Variants in SBF2 observed in about 807,000 individuals in gnomAD.
SBF2 encodes SET binding factor 2, also known as myotubularin-related protein 13.
A neutral mutation model predicts 225.2 loss-of-function variants in SBF2; 112 were observed. The observed-to-expected ratio is 0.50, with a 90% confidence interval of 0.43 to 0.58. SBF2 has a LOEUF of 0.58. Among genes scored for constraint, SBF2 ranks in the 20% least tolerant of loss-of-function variants. SBF2 has a pLI of 0.00. For synonymous variants in SBF2, 763 were observed against 773.3 expected (o/e 0.99, Z 0.22); for missense variants, 1,996 against 2,206.2 (o/e 0.90, Z 1.91).
At chr11:10,044,160 GA>G in intron 2 of SBF2, among the ~76,000 whole-genome samples, 1 of 150,634 alleles carries the variant, frequency 6.6e-6, no homozygotes, top group South Asian at 2.1e-4. Flanking sequence ...CAATGATACT[GA>G]AAACAGAAAA....
rs750671833 is a variant in SBF2 at position 10,270,412 on chromosome 11, C to A, written c.55+23603G>T. Reference sequence around the variant, plus strand: ...GAAAAGAAAATGTTATTAATAAAATCATAAGAAAACACAGTTACTATTAAG... The same window carrying A: ...GAAAAGAAAATGTTATTAATAAAATAATAAGAAAACACAGTTACTATTAAG... On this transcript the variant is annotated intron_variant, in intron 1 of 39. Coordinates refer to ENST00000256190, the MANE Select transcript of SBF2 (RefSeq NM_030962.4). Among the ~76,000 whole-genome samples, 8 of 151,984 alleles carry A rather than the reference C, an allele frequency of 5.3e-5. 1 individual carries two copies. The highest frequency in any genetic ancestry group is 2.0e-4 in the Admixed American group (3 of 15,260).
chr11:9,978,062 G>A (rs1380846418), intron 13 of SBF2, among the ~76,000 whole-genome samples: 1 of 152,060 alleles, frequency 6.6e-6, no homozygotes, highest in Non-Finnish European at 1.5e-5. Context: ...TAGATGGCTG[G>A]TTCTTGCTTA....
intron 1 of SBF2, among the ~76,000 whole-genome samples, chr11:10,280,174 T>TGTTTC (rs398069951): frequency 2.8e-4 from 42 of 152,096 alleles, no homozygotes; most frequent in Non-Finnish European, 5.3e-4. Context: ...GATTTCAGAG[T>TGTTTC]ATTTCAGATT....
intron 2 of SBF2, among the ~76,000 whole-genome samples, chr11:10,170,160 G>A (rs1345725210): frequency 6.6e-6 from 1 of 152,036 alleles, no homozygotes; most frequent in African/African-American, 2.4e-5. Flanking sequence ...GTCCATTTCT[G>A]CTTTGGTTGT....
intron 13 of SBF2, among the ~76,000 whole-genome samples, chr11:9,977,628 A>G (rs1262892624): frequency 2.0e-5 from 3 of 152,244 alleles, no homozygotes; most frequent in African/African-American, 7.2e-5. Context: ...AAGAAGCTGC[A>G]TAGAGGTGTT....
At chr11:9,909,312 TTC>T (rs951646890) in intron 16 of SBF2, among the ~76,000 whole-genome samples, 4 of 146,748 alleles carry the variant, frequency 2.7e-5, no homozygotes, top group African/African-American at 9.7e-5. Flanking sequence ...CCCCCATACT[TTC>T]TCTCTTTTTT....
chr11:10,107,334 G>A (rs1952600026), intron 2 of SBF2, among the ~76,000 whole-genome samples: 1 of 152,160 alleles, frequency 6.6e-6, no homozygotes, highest in African/African-American at 2.4e-5. Flanking sequence ...GTCAATAAAA[G>A]ATGAATTATT....
At chr11:10,118,547 A>C (rs1182213574) in intron 2 of SBF2, among the ~76,000 whole-genome samples, 1 of 152,150 alleles carries the variant, frequency 6.6e-6, no homozygotes, top group Non-Finnish European at 1.5e-5. Context: ...TGTAAGCAGA[A>C]AATATTTACA....
chr11:10,284,921 G>GGT (rs1963644613), intron 1 of SBF2, among the ~76,000 whole-genome samples: 1 of 147,888 alleles, frequency 6.8e-6, no homozygotes, highest in African/African-American at 2.5e-5. Context: ...GCTGACAAGA[G>GGT]TTTTTTTTTT....
chr11:10,199,525 C>T (rs557677386), intron 1 of SBF2, among the ~76,000 whole-genome samples: 139 of 151,882 alleles, frequency 9.2e-4, no homozygotes, highest in African/African-American at 3.2e-3. Flanking sequence ...AACAAACAAA[C>T]CCACCCATAA....
rs1206149694 is a variant in SBF2 at position 10,174,692 on chromosome 11, T to A, written c.141+19210A>T. Among the ~76,000 whole-genome samples the A allele has an allele frequency of 5.9e-5, 9 of 151,872 alleles. No individual in the cohort carries two copies. In the East Asian group the frequency reaches 1.4e-3, roughly 23 times the overall value. Reference sequence around the variant, plus strand: ...AAAGATACTCCTCGAGAAGAGCAACTCCAAGACACATAATTGTCAGATTCA... The same window carrying A: ...AAAGATACTCCTCGAGAAGAGCAACACCAAGACACATAATTGTCAGATTCA... On this transcript the variant is annotated intron_variant, in intron 2 of 39. Coordinates refer to ENST00000256190, the MANE Select transcript of SBF2 (RefSeq NM_030962.4).
At chr11:9,821,536 T>C (rs1854754606) in intron 28 of SBF2, among the ~76,000 whole-genome samples, 1 of 152,142 alleles carries the variant, frequency 6.6e-6, no homozygotes, top group Non-Finnish European at 1.5e-5. Flanking sequence ...ACCGCATTGG[T>C]TGTTGGTGGT....
chr11:9,795,749 G>C (rs1853083264), intron 33 of SBF2, 82 bp downstream of exon 33: 2 of 1,506,166 alleles, frequency 1.3e-6, no homozygotes, highest in Non-Finnish European at 1.8e-6. Flanking sequence ...GTCAGTCTTG[G>C]GGATAGTTAC....
chr11:10,180,646 C>T (rs1299535248), intron 2 of SBF2, among the ~76,000 whole-genome samples: 1 of 152,128 alleles, frequency 6.6e-6, no homozygotes, highest in African/African-American at 2.4e-5. Flanking sequence ...GTTATTATCA[C>T]TTTGAGTAAA....
intron 9 of SBF2, among the ~76,000 whole-genome samples, chr11:9,996,132 T>C (rs1947690559): frequency 1.3e-5 from 2 of 152,168 alleles, no homozygotes; most frequent in South Asian, 4.1e-4. Flanking sequence ...AGCAGAACCC[T>C]TACCAGGAGC....
At chr11:9,893,346 T>G (rs1316856862) in intron 17 of SBF2, among the ~76,000 whole-genome samples, 2 of 152,264 alleles carry the variant, frequency 1.3e-5, no homozygotes, top group African/African-American at 4.8e-5. Flanking sequence ...CTGTTATCAA[T>G]GCAGTACTTC....
chr11:9,963,659 A>AT, intron 15 of SBF2, 114 bp downstream of exon 15: 1 of 658,946 alleles, frequency 1.5e-6, no homozygotes, highest in Non-Finnish European at 2.7e-6. Flanking sequence ...CAATGAGAGG[A>AT]TACTTTATTA....
chr11:10,066,101 A>G (rs1482527248), intron 2 of SBF2, among the ~76,000 whole-genome samples: 1 of 152,136 alleles, frequency 6.6e-6, no homozygotes, highest in Non-Finnish European at 1.5e-5. Context: ...CTACAGTTCC[A>G]GATGGCTTCA....
rs894209913 is a variant in SBF2 at position 10,012,640 on chromosome 11, C to T, written c.620-9951G>A. Reference sequence around the variant, plus strand: ...CCTTATCTGCTAAATCCAGTATGTGCGCTCAAAGTCAGTTAATACTATTTT... The same window carrying T: ...CCTTATCTGCTAAATCCAGTATGTGTGCTCAAAGTCAGTTAATACTATTTT... On this transcript the variant is annotated intron_variant, in intron 6 of 39. Transcript: ENST00000256190. Among the ~76,000 whole-genome samples the T allele has an allele frequency of 5.3e-5, 8 of 152,258 alleles. No individual in the cohort carries two copies. The East Asian group carries it at 9.6e-4, about 18-fold the overall frequency.
Sources: gnomAD v4.1 joint callset for allele counts (sites outside exome capture counted in the v4.1 genomes callset) on GRCh38, gnomAD v4.1.1 for gene constraint, MANE v1.5 for transcripts, NCBI Gene and HGNC (gene_info 2026-07-23, HGNC 2026-07-21) for gene names.